PTGER3: variants seen among roughly 807,000 people sequenced by gnomAD.
PTGER3 encodes prostaglandin E2 receptor EP3 subtype.
A neutral mutation model predicts 34.7 loss-of-function variants in PTGER3; 22 were observed. The ratio of observed to expected loss-of-function variants is 0.63; its 90% confidence interval spans 0.45 to 0.91. The LOEUF is 0.91. Among genes scored for constraint, PTGER3 ranks in the 40% least tolerant of loss-of-function variants. The pLI is 0.00. For synonymous variants in PTGER3, 241 were observed against 230.1 expected (o/e 1.05, Z -0.43); for missense variants, 468 against 519.4 (o/e 0.90, Z 0.96).
chr1:70,953,904 T>C (rs1373893532), intron 2 of PTGER3: 4 of 512,652 alleles, frequency 7.8e-6, no homozygotes, highest in African/African-American at 6.1e-5. Context: ...TGAGGGGTAA[T>C]GGTAAATAGA....
intron 2 of PTGER3, among the ~76,000 whole-genome samples, chr1:70,960,652 G>A (rs183039000): frequency 1.3e-5 from 2 of 152,200 alleles, no homozygotes; most frequent in Admixed American, 6.5e-5. Context: ...AGAGGATCAA[G>A]GAGGAAAATA....
At chr1:70,915,987 TCTAA>T (rs1342887863) in intron 4 of PTGER3, among the ~76,000 whole-genome samples, 12 of 151,868 alleles carry the variant, frequency 7.9e-5, no homozygotes, top group South Asian at 6.2e-4. Flanking sequence ...AAACTGTACA[TCTAA>T]CTAAGGTCTA....
chr1:71,038,485 T>A (rs1660017335), intron 1 of PTGER3, among the ~76,000 whole-genome samples: 2 of 152,192 alleles, frequency 1.3e-5, no homozygotes, highest in South Asian at 4.1e-4. Flanking sequence ...AAAAATAAAG[T>A]GTGAATACTC....
intron 2 of PTGER3, among the ~76,000 whole-genome samples, chr1:70,994,704 C>G (rs1370958594): frequency 2.6e-5 from 4 of 152,288 alleles, no homozygotes; most frequent in Non-Finnish European, 4.4e-5. Flanking sequence ...GATCCACCCC[C>G]CTCAGCCTCC....
chr1:70,948,974 A>T (rs1157491674), downstream of PTGER3, among the ~76,000 whole-genome samples: 2 of 152,026 alleles, frequency 1.3e-5, no homozygotes, highest in Non-Finnish European at 1.5e-5. Context: ...TAGTATTAAA[A>T]TTTTTTCTTT....
At chr1:70,887,942 G>A (rs762902584) in intron 4 of PTGER3, among the ~76,000 whole-genome samples, 1 of 151,272 alleles carries the variant, frequency 6.6e-6, no homozygotes, top group African/African-American at 2.5e-5. Context: ...ATAGGTATGG[G>A]TAAAGGCAGC....
At chr1:70,852,868 C>A in intron 4 of PTGER3, 1 of 1,611,886 alleles carries the variant, frequency 6.2e-7, no homozygotes, top group Non-Finnish European at 8.5e-7. Flanking sequence ...TCCTGGAAAA[C>A]AAACAAATCA....
Position 71,016,726 on chromosome 1 carries a change from C to T in PTGER3, c.898-4242G>A, listed in dbSNP as rs566766581. 2.6e-5 allele frequency among the ~76,000 whole-genome samples: 4 copies of T among 151,396 alleles called. No individual in the cohort carries two copies. The South Asian group carries it at 8.4e-4, about 32-fold the overall frequency. On this transcript the variant is annotated intron_variant, in intron 1 of 3. Coordinates refer to ENST00000306666, the MANE Select transcript of PTGER3 (RefSeq NM_198719.2). ...GCTGAAGCAGGAGAATCACTTGAAC[C>T]TAGGAGGCAGATGTTGCAGTGAGCC...
At chr1:70,894,513 C>T (rs1170428662) in intron 4 of PTGER3, among the ~76,000 whole-genome samples, 1 of 152,020 alleles carries the variant, frequency 6.6e-6, no homozygotes, top group Non-Finnish European at 1.5e-5. Context: ...TGGTATGAAG[C>T]GTATTTGGTT....
At chr1:70,936,433 A>T (rs1258721963) in intron 4 of PTGER3, among the ~76,000 whole-genome samples, 1 of 152,214 alleles carries the variant, frequency 6.6e-6, no homozygotes, top group Non-Finnish European at 1.5e-5. Context: ...TCATCATTTA[A>T]TGAAACAATT....
intron 4 of PTGER3, among the ~76,000 whole-genome samples, chr1:70,920,202 G>T (rs1254057556): frequency 1.3e-5 from 2 of 152,184 alleles, no homozygotes. Context: ...TGAAATGAAT[G>T]TTCAAGAAAC....
At chr1:70,944,785 C>T (rs1226312468) in intron 4 of PTGER3, among the ~76,000 whole-genome samples, 1 of 152,088 alleles carries the variant, frequency 6.6e-6, no homozygotes, top group Admixed American at 6.6e-5. Flanking sequence ...AGCCTTACCT[C>T]TTCATCAGAA....
intron 4 of PTGER3, among the ~76,000 whole-genome samples, chr1:70,873,310 A>G (rs1646202872): frequency 6.6e-6 from 1 of 152,188 alleles, no homozygotes; most frequent in Non-Finnish European, 1.5e-5. Flanking sequence ...ATGGAACATA[A>G]TGAGCTTTGA....
intron 4 of PTGER3, among the ~76,000 whole-genome samples, chr1:70,905,744 C>T (rs1025287110): frequency 8.5e-5 from 13 of 152,082 alleles, no homozygotes; most frequent in African/African-American, 2.9e-4. Flanking sequence ...CTCATTGTCT[C>T]AGATGAGACA....
chr1:71,040,448 A>C (rs986686887), intron 1 of PTGER3, among the ~76,000 whole-genome samples: 1 of 151,964 alleles, frequency 6.6e-6, no homozygotes, highest in Non-Finnish European at 1.5e-5. Flanking sequence ...GTAAAAAAAA[A>C]ATACAAAAAT....
intron 4 of PTGER3, among the ~76,000 whole-genome samples, chr1:70,875,992 T>C (rs1646264395): frequency 6.6e-6 from 1 of 152,180 alleles, no homozygotes; most frequent in African/African-American, 2.4e-5. Flanking sequence ...AATTCTGTTT[T>C]AAGTTCTTTG....
intron 1 of PTGER3, 29 bp from the exon 2 acceptor site, chr1:71,012,513 A>G: frequency 1.0e-5 from 16 of 1,589,166 alleles, no homozygotes; most frequent in Non-Finnish European, 1.4e-5. Context: ...TAATTGTTTC[A>G]AAGATTAGTA....
chr1:70,874,205 T>C (rs1646224979), intron 4 of PTGER3, among the ~76,000 whole-genome samples: 2 of 152,178 alleles, frequency 1.3e-5, no homozygotes, highest in South Asian at 4.1e-4. Flanking sequence ...GGGGCCAAAC[T>C]GCAGCAAGCA....
At chr1:71,024,869 ATTCTT>A in intron 1 of PTGER3, among the ~76,000 whole-genome samples, 1 of 136,558 alleles carries the variant, frequency 7.3e-6, no homozygotes, top group Middle Eastern at 3.6e-3. Context: ...AAAATACTTG[ATTCTT>A]TTATTTATTT....
Sources: gnomAD v4.1 joint callset for allele counts (sites outside exome capture counted in the v4.1 genomes callset) on GRCh38, gnomAD v4.1.1 for gene constraint, MANE v1.5 for transcripts, NCBI Gene and HGNC (gene_info 2026-07-23, HGNC 2026-07-21) for gene names.